Variants in VAC14 observed in about 807,000 individuals in gnomAD.
The protein encoded by VAC14 is protein VAC14 homolog.
Under a neutral mutation model 85.3 loss-of-function variants are expected in VAC14, and 47 were observed. The ratio of observed to expected loss-of-function variants is 0.55; its 90% CI spans 0.44 to 0.70. The LOEUF (loss-of-function observed/expected upper bound fraction) is 0.70. Among genes scored for constraint, VAC14 ranks in the 30% least tolerant of loss-of-function variants. The pLI, the probability that VAC14 is intolerant of heterozygous loss-of-function variation, is 0.00. For synonymous variants in VAC14, 447 were observed against 430.5 expected (o/e 1.04, Z -0.47); for missense variants, 861 against 1,004.3 (o/e 0.86, Z 1.93).
Position 70,783,030 on chromosome 16 carries a change from C to A in VAC14, c.811+3G>T. 6.2e-7 allele frequency: 1 copy of A among 1,613,806 alleles called. No individual in the cohort carries two copies. Among genetic ancestry groups the A allele is most frequent in the South Asian group, 1.1e-5 (1 of 91,034 alleles). On this transcript the variant is annotated splice_donor_region_variant and intron_variant, in intron 7 of 18. Coordinates refer to ENST00000261776, the MANE Select transcript of VAC14 (RefSeq NM_018052.5). ...TGGCTGTGGGCCCTCCCCCAATACTCACCTGTTGTCTGGCAGTGGATCACC... is the reference window on the plus strand; with the variant it reads ...TGGCTGTGGGCCCTCCCCCAATACTAACCTGTTGTCTGGCAGTGGATCACC...
chr16:70,743,637 G>C (rs905675875), intron 13 of VAC14, among the ~76,000 whole-genome samples: 8 of 152,314 alleles, frequency 5.3e-5, no homozygotes, highest in Admixed American at 1.3e-4. Context: ...TCACTGTGAA[G>C]GTCCGTGGCT....
chr16:70,730,754 C>A (rs2054567709), intron 14 of VAC14, among the ~76,000 whole-genome samples: 1 of 152,054 alleles, frequency 6.6e-6, no homozygotes, highest in South Asian at 2.1e-4. Context: ...TGTACCACCA[C>A]ACCTGGCTAA....
At chr16:70,724,792 T>G (rs1201996836) in intron 14 of VAC14, among the ~76,000 whole-genome samples, 2 of 152,224 alleles carry the variant, frequency 1.3e-5, no homozygotes, top group African/African-American at 4.8e-5. Context: ...AAGCTTCTGC[T>G]GAGAGGGAAG....
chr16:70,736,210 A>C (rs554993938), intron 13 of VAC14, among the ~76,000 whole-genome samples: 2 of 152,354 alleles, frequency 1.3e-5, no homozygotes, highest in South Asian at 4.1e-4. Context: ...AAGTGAGTGC[A>C]GTAAGAGCCC....
intron 9 of VAC14, among the ~76,000 whole-genome samples, chr16:70,775,297 T>A (rs866834750): frequency 4.6e-5 from 7 of 152,326 alleles, no homozygotes; most frequent in South Asian, 2.1e-4. Flanking sequence ...CTCCTTAATC[T>A]TCAATCTTAC....
At chr16:70,697,475 CT>C (rs2053737129) in intron 15 of VAC14, among the ~76,000 whole-genome samples, 1 of 152,250 alleles carries the variant, frequency 6.6e-6, no homozygotes, top group Non-Finnish European at 1.5e-5. Flanking sequence ...AGTCCCAGAG[CT>C]GTGTGGTGGC....
intron 14 of VAC14, among the ~76,000 whole-genome samples, chr16:70,721,160 C>T (rs1338914682): frequency 2.6e-5 from 4 of 152,268 alleles, no homozygotes; most frequent in South Asian, 2.1e-4. Flanking sequence ...GAGAGTATGC[C>T]GGCTACAGAC....
chr16:70,751,964 C>T (rs1039862629), intron 12 of VAC14, among the ~76,000 whole-genome samples: 25 of 152,218 alleles, frequency 1.6e-4, no homozygotes, highest in African/African-American at 5.1e-4. Context: ...CCTAAAAGAA[C>T]GCTTAGCTTT....
At chr16:70,760,902 G>A (rs1225513095) in intron 12 of VAC14, among the ~76,000 whole-genome samples, 1 of 151,508 alleles carries the variant, frequency 6.6e-6, no homozygotes, top group African/African-American at 2.4e-5. Context: ...CCAACTCGCA[G>A]GCAGAACGGG....
In VAC14 at chr16:70,758,573, G is replaced by C. The variant is rs560165740; in HGVS notation, c.1371+3967C>G. 7.9e-5 allele frequency among the ~76,000 whole-genome samples: 12 copies of C among 152,310 alleles called. No homozygotes were observed. The East Asian group carries it at 2.3e-3, about 29-fold the overall frequency. On this transcript the variant is annotated intron_variant, in intron 12 of 18. Coordinates refer to ENST00000261776, the MANE Select transcript of VAC14 (RefSeq NM_018052.5). ...GTCCCACCATCGGGACCATGGAGAG[G>C]GCCCCCATCCCGTGGATACTCACAG...
intron 13 of VAC14, among the ~76,000 whole-genome samples, chr16:70,740,622 G>A (rs1404692284): frequency 2.0e-5 from 3 of 152,180 alleles, no homozygotes; most frequent in Non-Finnish European, 4.4e-5. Flanking sequence ...CCTGAGTGGA[G>A]ACAGGAAATA....
intron 9 of VAC14, among the ~76,000 whole-genome samples, chr16:70,774,400 C>T (rs879182453): frequency 4.6e-5 from 7 of 152,202 alleles, no homozygotes; most frequent in South Asian, 4.1e-4. Context: ...TCAGTGCACC[C>T]TATCGGGGGA....
At chr16:70,705,640 G>A (rs1023467475) in intron 14 of VAC14, among the ~76,000 whole-genome samples, 5 of 152,216 alleles carry the variant, frequency 3.3e-5, no homozygotes, top group African/African-American at 9.7e-5. Flanking sequence ...AGAGATGAGC[G>A]TGGAGGCTGG....
intron 9 of VAC14, among the ~76,000 whole-genome samples, chr16:70,777,440 C>T (rs139768077): frequency 8.9e-4 from 135 of 152,320 alleles, no homozygotes; most frequent in African/African-American, 3.1e-3. Flanking sequence ...GATATAAAGT[C>T]AGCAGAGCCA....
chr16:70,741,055 C>A (rs1481730633), intron 13 of VAC14, among the ~76,000 whole-genome samples: 1 of 152,242 alleles, frequency 6.6e-6, no homozygotes, highest in East Asian at 1.9e-4. Context: ...TCCCTGCCTC[C>A]GAGGCTTTCC....
At chr16:70,787,803 A>G (rs2034138447) in intron 1 of VAC14, among the ~76,000 whole-genome samples, 1 of 152,040 alleles carries the variant, frequency 6.6e-6, no homozygotes, top group Non-Finnish European at 1.5e-5. Context: ...AGAGAACAGT[A>G]CAGCAGCGGG....
At chr16:70,760,996 TG>T in intron 12 of VAC14, among the ~76,000 whole-genome samples, 1 of 114,336 alleles carries the variant, frequency 8.7e-6, no homozygotes, top group Non-Finnish European at 1.7e-5. Context: ...TGTGTGTGTG[TG>T]TGTGTGTGTG....
chr16:70,703,009 T>A (rs1368837142), intron 14 of VAC14, among the ~76,000 whole-genome samples: 10 of 152,210 alleles, frequency 6.6e-5, no homozygotes, highest in African/African-American at 2.4e-4. Flanking sequence ...TATTCAGACC[T>A]AGAAGAATCG....
At chr16:70,719,024 A>G (rs969719340) in intron 14 of VAC14, among the ~76,000 whole-genome samples, 5 of 152,182 alleles carry the variant, frequency 3.3e-5, no homozygotes, top group Non-Finnish European at 5.9e-5. Context: ...GTGCTGCCCA[A>G]TACAGTAAGA....
Sources: gnomAD v4.1 joint callset for allele counts (sites outside exome capture counted in the v4.1 genomes callset) on GRCh38, gnomAD v4.1.1 for gene constraint, MANE v1.5 for transcripts, NCBI Gene and HGNC (gene_info 2026-07-23, HGNC 2026-07-21) for gene names.